The following HS2ST1 variants were observed in gnomAD, a reference collection of about 807,000 sequenced individuals.
The protein encoded by HS2ST1 is heparan sulfate 2-O-sulfotransferase 1.
Under a neutral mutation model 42.9 loss-of-function variants are expected in HS2ST1, and 18 were observed. The observed-to-expected ratio is 0.42, with a 90% CI of 0.29 to 0.62. HS2ST1 has a LOEUF of 0.62. Among genes scored for constraint, HS2ST1 ranks in the 20% least tolerant of loss-of-function variants. The pLI is 0.21. For missense variants in HS2ST1, 334 were observed against 433.8 expected, an observed-to-expected ratio of 0.77 and a Z score of 2.04; for synonymous variants, 146 against 152.9, an observed-to-expected ratio of 0.95 and a Z score of 0.33.
intron 3 of HS2ST1, among the ~76,000 whole-genome samples, chr1:87,084,507 G>A (rs1472013078): frequency 5.3e-5 from 8 of 151,998 alleles, no homozygotes; most frequent in Non-Finnish European, 7.4e-5. Flanking sequence ...ACTCTTTAAA[G>A]TTTATTATTA....
In HS2ST1 at chr1:86,919,100, A is replaced by T. The variant is rs992400978; in HGVS notation, c.124+3940A>T. On this transcript the variant is annotated intron_variant, in intron 1 of 6. Coordinates refer to ENST00000370550, the MANE Select transcript of HS2ST1 (RefSeq NM_012262.4). ...GCGGGGATTGCAGGTACGTGCCACC[A>T]CGCCCAGGTAATTTTTGTATTTTTA... Among the ~76,000 whole-genome samples the T allele has an allele frequency of 3.3e-5, 5 of 151,876 alleles. No homozygotes were observed. In the East Asian group the frequency reaches 9.7e-4, roughly 29 times the overall value.
intron 1 of HS2ST1, among the ~76,000 whole-genome samples, chr1:87,057,079 A>C (rs1650989040): frequency 6.6e-6 from 1 of 152,228 alleles, no homozygotes; most frequent in Non-Finnish European, 1.5e-5. Context: ...GTCTTCTATT[A>C]AGCCAGACAC....
chr1:87,013,342 A>G (rs1212390286), intron 1 of HS2ST1, among the ~76,000 whole-genome samples: 1 of 152,132 alleles, frequency 6.6e-6, no homozygotes, highest in Non-Finnish European at 1.5e-5. Flanking sequence ...GCCCAACATC[A>G]CTTGTAAGCC....
intron 1 of HS2ST1, among the ~76,000 whole-genome samples, chr1:86,920,922 C>A (rs2102153053): frequency 6.6e-6 from 1 of 152,028 alleles, no homozygotes; most frequent in South Asian, 2.1e-4. Context: ...ACAATGTATT[C>A]TTGAAAATTG....
intron 1 of HS2ST1, among the ~76,000 whole-genome samples, chr1:86,954,040 TAAAA>T (rs367757359): frequency 0.11 from 7,329 of 67,420 alleles, 477 homozygotes; most frequent in African/African-American, 0.2. Context: ...CTGTTTTTTT[TAAAA>T]AAAAAAAAAA....
chr1:86,967,053 A>G (rs938431442), intron 1 of HS2ST1, among the ~76,000 whole-genome samples: 2 of 151,944 alleles, frequency 1.3e-5, no homozygotes, highest in Admixed American at 1.3e-4. Context: ...CACCATGCCC[A>G]GCCGGTTTTG....
chr1:87,052,742 A>G (rs947979746), intron 1 of HS2ST1, among the ~76,000 whole-genome samples: 1 of 152,204 alleles, frequency 6.6e-6, no homozygotes, highest in Non-Finnish European at 1.5e-5. Context: ...AGTTTATACC[A>G]TTACGTTGTT....
At chr1:86,993,365 G>A (rs1193106062) in intron 1 of HS2ST1, among the ~76,000 whole-genome samples, 4 of 152,072 alleles carry the variant, frequency 2.6e-5, no homozygotes, top group Non-Finnish European at 5.9e-5. Context: ...ACTTTGGTGG[G>A]GCGGTGGGCG....
chr1:86,919,826 C>T (rs1453678980), intron 1 of HS2ST1, among the ~76,000 whole-genome samples: 1 of 152,014 alleles, frequency 6.6e-6, no homozygotes, highest in Non-Finnish European at 1.5e-5. Flanking sequence ...AGCTTATTAC[C>T]TGTGAAAAAG....
At chr1:86,955,533 T>C (rs1234498119) in intron 1 of HS2ST1, among the ~76,000 whole-genome samples, 1 of 151,862 alleles carries the variant, frequency 6.6e-6, no homozygotes, top group East Asian at 1.9e-4. Flanking sequence ...GTATACCAAG[T>C]GAAATCTCAG....
intron 2 of HS2ST1, among the ~76,000 whole-genome samples, chr1:87,077,779 T>C (rs923299623): frequency 6.6e-6 from 1 of 152,166 alleles, no homozygotes; most frequent in Admixed American, 6.5e-5. Flanking sequence ...CCAACATAGA[T>C]TTTGATAGCG....
intron 1 of HS2ST1, among the ~76,000 whole-genome samples, chr1:87,001,501 C>T (rs1649282060): frequency 6.6e-6 from 1 of 152,118 alleles, no homozygotes; most frequent in Non-Finnish European, 1.5e-5. Context: ...GACAGTTTTC[C>T]TCTGAAAATT....
chr1:87,055,679 G>A (rs1650947336), intron 1 of HS2ST1, among the ~76,000 whole-genome samples: 1 of 152,170 alleles, frequency 6.6e-6, no homozygotes. Context: ...TCACAAAATA[G>A]TTCACAATCA....
chr1:86,988,606 C>T (rs1648858193), intron 1 of HS2ST1, among the ~76,000 whole-genome samples: 1 of 152,206 alleles, frequency 6.6e-6, no homozygotes, highest in African/African-American at 2.4e-5. Flanking sequence ...GGGAATCCTC[C>T]TCCTCAATAC....
chr1:87,099,177 A>T (rs557793536), intron 5 of HS2ST1, among the ~76,000 whole-genome samples: 197 of 152,322 alleles, frequency 1.3e-3, no homozygotes, highest in Non-Finnish European at 2.5e-3. Context: ...AGCAGAGTTG[A>T]GTAATTGTAA....
At chr1:87,014,644 G>A (rs918223190) in intron 1 of HS2ST1, among the ~76,000 whole-genome samples, 4 of 152,260 alleles carry the variant, frequency 2.6e-5, no homozygotes, top group African/African-American at 9.6e-5. Context: ...TGAAGAGAGG[G>A]TTCTCATGCT....
intron 4 of HS2ST1, among the ~76,000 whole-genome samples, chr1:87,095,633 A>T (rs1235349778): frequency 6.6e-6 from 1 of 152,198 alleles, no homozygotes; most frequent in Non-Finnish European, 1.5e-5. Flanking sequence ...TGAGCATTGA[A>T]TAACTATATC....
intron 3 of HS2ST1, among the ~76,000 whole-genome samples, chr1:87,085,754 G>T (rs1651803035): frequency 6.6e-6 from 1 of 152,098 alleles, no homozygotes; most frequent in Admixed American, 6.5e-5. Context: ...ACACAGCTTG[G>T]TTTCTAATAG....
intron 1 of HS2ST1, among the ~76,000 whole-genome samples, chr1:86,923,219 A>T (rs762494630): frequency 3.9e-5 from 6 of 152,062 alleles, no homozygotes; most frequent in African/African-American, 7.2e-5. Context: ...TTTCCTTAAC[A>T]TCCTGTATTA....
Sources: gnomAD v4.1 joint callset for allele counts (sites outside exome capture counted in the v4.1 genomes callset) on GRCh38, gnomAD v4.1.1 for gene constraint, MANE v1.5 for transcripts, NCBI Gene and HGNC (gene_info 2026-07-23, HGNC 2026-07-21) for gene names.